TRHDE: variants seen among roughly 807,000 people sequenced by gnomAD.
The protein encoded by TRHDE is thyrotropin releasing hormone degrading enzyme.
A neutral mutation model predicts 125.7 loss-of-function variants in TRHDE; 72 were observed. The observed-to-expected ratio is 0.57, with a 90% confidence interval of 0.47 to 0.70. The LOEUF is 0.70. TRHDE is among the 30% of genes least tolerant of loss of function. TRHDE has a pLI of 0.00. For missense variants in TRHDE, 1,110 were observed against 1,327.1 expected, an observed-to-expected ratio of 0.84 and a Z score of 2.54; for synonymous variants, 509 against 509.1, an observed-to-expected ratio of 1.00 and a Z score of 0.00.
At chr12:72,589,963 A>AT (rs2136046278) in intron 12 of TRHDE, among the ~76,000 whole-genome samples, 1 of 152,010 alleles carries the variant, frequency 6.6e-6, no homozygotes, top group East Asian at 1.9e-4. Context: ...AGTTTTTTAA[A>AT]TGGAGTCTTA....
intron 10 of TRHDE, among the ~76,000 whole-genome samples, chr12:72,573,924 G>A (rs1870865075): frequency 6.6e-6 from 1 of 151,866 alleles, no homozygotes; most frequent in South Asian, 2.1e-4. Context: ...AAAGGTGGTG[G>A]GAAGTTGTGA....
intron 3 of TRHDE, among the ~76,000 whole-genome samples, chr12:72,453,193 C>G (rs1362445083): frequency 6.6e-6 from 1 of 152,132 alleles, no homozygotes; most frequent in Non-Finnish European, 1.5e-5. Context: ...GTGATAGGAA[C>G]AGTAAAATCC....
chr12:72,569,110 T>TG (rs1309114967), intron 10 of TRHDE, among the ~76,000 whole-genome samples: 4 of 152,140 alleles, frequency 2.6e-5, no homozygotes, highest in Non-Finnish European at 5.9e-5. Context: ...GGCCAGAAGG[T>TG]GGGGGGCTTG....
At chr12:72,566,432 A>G (rs1356496798) in intron 9 of TRHDE, among the ~76,000 whole-genome samples, 1 of 150,954 alleles carries the variant, frequency 6.6e-6, no homozygotes, top group East Asian at 1.9e-4. Flanking sequence ...TTGTATCTGA[A>G]CAGCTGTGTG....
At chr12:72,653,205 G>A (rs1339148277) in intron 17 of TRHDE, 49 bp downstream of exon 17, 1 of 1,517,842 alleles carries the variant, frequency 6.6e-7, no homozygotes, top group African/African-American at 1.4e-5. Context: ...GCCGACATAG[G>A]AGGAATAAAG....
At chr12:72,138,366 C>T (rs966357348) in intron 2 of TRHDE, among the ~76,000 whole-genome samples, 11 of 151,686 alleles carry the variant, frequency 7.3e-5, no homozygotes, top group African/African-American at 1.9e-4. Flanking sequence ...AGCAAGACTC[C>T]GTTTCAAAAA....
chr12:72,593,386 G>T (rs1871777769), intron 12 of TRHDE, among the ~76,000 whole-genome samples: 1 of 152,130 alleles, frequency 6.6e-6, no homozygotes. Context: ...TGACTCCAAA[G>T]ATCATGTTCT....
intron 2 of TRHDE, among the ~76,000 whole-genome samples, chr12:72,159,700 C>A (rs2139327584): frequency 6.6e-6 from 1 of 152,242 alleles, no homozygotes; most frequent in African/African-American, 2.4e-5. Flanking sequence ...CACTTCATAT[C>A]CATCTTTTTC....
At chr12:72,257,145 A>G (rs1878837293) in intron 2 of TRHDE, 1 of 152,112 alleles carries the variant, frequency 6.6e-6, no homozygotes, top group Admixed American at 6.6e-5. Context: ...TGAGGAGAAA[A>G]GCACCAGGCT....
Position 72,562,199 on chromosome 12 carries a change from C to G in TRHDE, c.1823C>G (p.Ala608Gly). The G allele has an allele frequency of 6.4e-7, 1 of 1,560,520 alleles. No homozygotes were observed. The highest frequency in any genetic ancestry group is 8.8e-7 in the Non-Finnish European group (1 of 1,137,196). ...YLTIHKYGNAARNDLWNTLSE... is the reference protein window; with the variant it reads ...YLTIHKYGNAGRNDLWNTLSE... ...ACCATTCATAAGTATGGTAATGCAG[C>G]CAGAAATGATCTCTGGAATACATTA... The change falls in exon 8 of 19, where the codon GCC becomes GGC. Residue 608 changes from alanine (A) to glycine (G), a missense_variant. Ala to Gly is a moderately conservative substitution (Grantham distance 60, BLOSUM62 0). Transcript: ENST00000261180.
In TRHDE at chr12:72,652,493, G is replaced by T. The variant is rs781135467; in HGVS notation, c.2843+4G>T. On this transcript the variant is annotated splice_donor_region_variant and intron_variant, in intron 16 of 18. Coordinates refer to ENST00000261180, the MANE Select transcript of TRHDE (RefSeq NM_013381.3). ...ATGACAGGAATTTATTAAACAGGTA[G>T]GCCGACTGATTTTCTAAATGTGTTT... 29 of 1,592,206 alleles carry T rather than the reference G, an allele frequency of 1.8e-5. No homozygotes were observed. Among genetic ancestry groups the T allele is most frequent in the Non-Finnish European group, 2.3e-5 (27 of 1,169,068 alleles).
rs367606842 is a variant in TRHDE at position 72,254,712 on chromosome 12, A to G, written n.280-123283A>G. On this transcript the variant is annotated intron_variant and non_coding_transcript_variant, in intron 2 of 4. Transcript: ENST00000548156. ...TAACCATCTTCCTACTGGTTCCTAC[A>G]GATGAATTGCCTGATCTCAAACAAA... 3.9e-5 allele frequency: 6 copies of G among 152,214 alleles called. No homozygotes were observed. In the East Asian group the frequency reaches 5.8e-4, roughly 15 times the overall value. 9.4% of individuals were successfully genotyped at this position (152,214 alleles called of 1,614,324 possible).
intron 12 of TRHDE, among the ~76,000 whole-genome samples, chr12:72,605,128 A>G (rs144492254): frequency 1.5e-3 from 234 of 152,212 alleles, no homozygotes; most frequent in African/African-American, 5.1e-3. Context: ...AGAAGCAACT[A>G]TCTTCCCTAT....
chr12:72,320,189 C>T (rs1258383965), intron 2 of TRHDE, among the ~76,000 whole-genome samples: 1 of 152,038 alleles, frequency 6.6e-6, no homozygotes, highest in Non-Finnish European at 1.5e-5. Flanking sequence ...GAGGCATGTA[C>T]ATACATATAC....
chr12:72,542,631 A>C (rs1313653046), intron 7 of TRHDE, among the ~76,000 whole-genome samples: 3 of 151,368 alleles, frequency 2.0e-5, no homozygotes, highest in Admixed American at 6.6e-5. Context: ...ATGTTCTATA[A>C]AAGACTTCCA....
At chr12:72,336,923 T>C (rs1289681343) in intron 2 of TRHDE, among the ~76,000 whole-genome samples, 1 of 152,174 alleles carries the variant, frequency 6.6e-6, no homozygotes, top group Non-Finnish European at 1.5e-5. Context: ...ACCATAGCAC[T>C]ACTCAAAGTG....
At chr12:72,421,675 G>A (rs1873961859) in intron 3 of TRHDE, among the ~76,000 whole-genome samples, 1 of 152,072 alleles carries the variant, frequency 6.6e-6, no homozygotes, top group Admixed American at 6.6e-5. Context: ...ATTGCTGTGG[G>A]AATTTTTGAA....
At chr12:72,469,959 A>G (rs1342780676) in intron 4 of TRHDE, 47 bp downstream of exon 4, 1 of 1,584,622 alleles carries the variant, frequency 6.3e-7, no homozygotes, top group South Asian at 1.1e-5. Context: ...AAGCTATTGA[A>G]AATGATTTTG....
At chr12:72,333,077 T>C (rs2135721682) in intron 2 of TRHDE, among the ~76,000 whole-genome samples, 1 of 152,292 alleles carries the variant, frequency 6.6e-6, no homozygotes, top group Admixed American at 6.5e-5. Context: ...GCGAAGGAAA[T>C]AAAATCCTTG....
Sources: gnomAD v4.1 joint callset for allele counts (sites outside exome capture counted in the v4.1 genomes callset) on GRCh38, gnomAD v4.1.1 for gene constraint, MANE v1.5 for transcripts, NCBI Gene and HGNC (gene_info 2026-07-23, HGNC 2026-07-21) for gene names.